Variants in HECW1 observed in about 807,000 individuals in gnomAD.
HECW1 encodes the protein E3 ubiquitin-protein ligase HECW1.
A neutral mutation model predicts 182.3 loss-of-function variants in HECW1; 61 were observed. The observed-to-expected ratio is 0.33, with a 90% CI of 0.27 to 0.41. HECW1 has a LOEUF of 0.41. Ranked by LOEUF, HECW1 falls within the 10% of genes least tolerant of loss-of-function variation. HECW1 has a pLI of 1.00. For missense variants in HECW1, 1,739 were observed against 2,108.9 expected (o/e 0.82, Z 3.44); for synonymous variants, 859 against 832.6 (o/e 1.03, Z -0.55).
At chr7:43,120,338 A>T (rs568672490) in intron 2 of HECW1, among the ~76,000 whole-genome samples, 1 of 151,974 alleles carries the variant, frequency 6.6e-6, no homozygotes, top group Admixed American at 6.6e-5. Flanking sequence ...ACCACACACA[A>T]TGTGCTCTCT....
intron 2 of HECW1, among the ~76,000 whole-genome samples, chr7:43,223,742 C>T (rs1200346743): frequency 1.3e-5 from 2 of 152,146 alleles, no homozygotes; most frequent in African/African-American, 4.8e-5. Context: ...CTAATGTGCT[C>T]TCTCCTTACC....
At chr7:43,472,662 A>G (rs1290817743) in intron 16 of HECW1, among the ~76,000 whole-genome samples, 1 of 152,078 alleles carries the variant, frequency 6.6e-6, no homozygotes, top group Non-Finnish European at 1.5e-5. Flanking sequence ...TAAGGTGAGC[A>G]GATTAATTGG....
chr7:43,268,636 G>A (rs1381778837), intron 3 of HECW1, among the ~76,000 whole-genome samples: 1 of 152,226 alleles, frequency 6.6e-6, no homozygotes, highest in Non-Finnish European at 1.5e-5. Context: ...GTAGGATGAT[G>A]AATCCCTGGG....
intron 2 of HECW1, among the ~76,000 whole-genome samples, chr7:43,227,798 A>T (rs1394863579): frequency 2.0e-5 from 3 of 152,256 alleles, no homozygotes; most frequent in African/African-American, 7.2e-5. Context: ...ACAAAATGTG[A>T]TCCTGACTAC....
intron 5 of HECW1, among the ~76,000 whole-genome samples, chr7:43,335,987 C>T (rs1259298820): frequency 2.3e-5 from 3 of 131,070 alleles, no homozygotes; most frequent in African/African-American, 8.1e-5. Context: ...CTCTCTTTCT[C>T]TCTCTCTCCT....
chr7:43,383,830 C>CAAAG (rs1554393053), intron 6 of HECW1, among the ~76,000 whole-genome samples: 32,333 of 151,866 alleles, frequency 0.21, 3,559 homozygotes, highest in Middle Eastern at 0.34. Context: ...TTGCCAGTAA[C>CAAAG]AGTTGATTAA....
chr7:43,235,269 A>T (rs1798225691), intron 2 of HECW1, among the ~76,000 whole-genome samples: 1 of 152,150 alleles, frequency 6.6e-6, no homozygotes, highest in African/African-American at 2.4e-5. Context: ...TGCTCTGAGG[A>T]GTGGCCACAG....
intron 7 of HECW1, among the ~76,000 whole-genome samples, chr7:43,404,414 A>G (rs554954553): frequency 6.6e-6 from 1 of 152,336 alleles, no homozygotes; most frequent in East Asian, 1.9e-4. Flanking sequence ...GTGTTTTGAA[A>G]GGAGTTGTTA....
intron 3 of HECW1, among the ~76,000 whole-genome samples, chr7:43,299,740 C>T (rs1255182841): frequency 6.6e-6 from 1 of 152,166 alleles, no homozygotes; most frequent in Non-Finnish European, 1.5e-5. Context: ...TTCTAGAACC[C>T]AGTGAAACTT....
intron 29 of HECW1, among the ~76,000 whole-genome samples, chr7:43,559,985 T>C (rs2082156257): frequency 6.6e-6 from 1 of 152,214 alleles, no homozygotes; most frequent in African/African-American, 2.4e-5. Context: ...TTAATTTGGT[T>C]CCAACTAATT....
At chr7:43,331,086 T>G (rs1811407603) in intron 5 of HECW1, among the ~76,000 whole-genome samples, 1 of 152,120 alleles carries the variant, frequency 6.6e-6, no homozygotes, top group Non-Finnish European at 1.5e-5. Context: ...GCTGCACCCA[T>G]TAACTCGTCG....
intron 5 of HECW1, among the ~76,000 whole-genome samples, chr7:43,351,918 G>C (rs1284789018): frequency 6.6e-6 from 1 of 152,148 alleles, no homozygotes; most frequent in Non-Finnish European, 1.5e-5. Flanking sequence ...TTTCTCAACA[G>C]TATATCCGTT....
At chr7:43,523,643 A>G (rs2080621324) in intron 24 of HECW1, among the ~76,000 whole-genome samples, 1 of 152,196 alleles carries the variant, frequency 6.6e-6, no homozygotes, top group African/African-American at 2.4e-5. Context: ...CCATCTCGAA[A>G]AAAAGAAAAG....
chr7:43,140,480 G>A (rs985584867), intron 2 of HECW1, among the ~76,000 whole-genome samples: 9 of 152,146 alleles, frequency 5.9e-5, no homozygotes, highest in East Asian at 1.9e-4. Flanking sequence ...ATGCTGTTCC[G>A]TCACACTCAT....
At chr7:43,200,077 T>C (rs1005434946) in intron 2 of HECW1, among the ~76,000 whole-genome samples, 1 of 152,192 alleles carries the variant, frequency 6.6e-6, no homozygotes. Flanking sequence ...TAAGGTCCTA[T>C]TATCTGACAA....
At position 43,112,730 on chromosome 7, in the gene HECW1, G is replaced by C. The variant is rs1293183515; in HGVS notation, c.-474G>C. 1 of 230,830 alleles carries C rather than the reference G, an allele frequency of 4.3e-6. No individual in the cohort carries two copies. Among genetic ancestry groups the C allele is most frequent in the East Asian group, 6.1e-5 (1 of 16,434 alleles). 14.3% of individuals were successfully genotyped at this position (230,830 alleles called of 1,614,324 possible). A position where few individuals can be genotyped will look rare whatever the true frequency, so the allele number is the denominator to read the frequency against. On this transcript the variant is annotated 5_prime_UTR_variant, in exon 1 of 30. Coordinates refer to ENST00000395891, the MANE Select transcript of HECW1 (RefSeq NM_015052.5). ...TCCTCGCGCACACACTCGCCGAGCC[G>C]CGCGCGCCCCTCCGCCGTGACAGTG... is the stretch of plus-strand genomic sequence containing the variant.
chr7:43,395,712 C>CTTGT (rs2075205625), intron 6 of HECW1, among the ~76,000 whole-genome samples: 4 of 152,190 alleles, frequency 2.6e-5, no homozygotes, highest in Non-Finnish European at 5.9e-5. Flanking sequence ...CAGCCAAGCT[C>CTTGT]ACAGGCTCAC....
At chr7:43,446,472 A>G (rs2077058957) in intron 11 of HECW1, among the ~76,000 whole-genome samples, 1 of 152,250 alleles carries the variant, frequency 6.6e-6, no homozygotes, top group Non-Finnish European at 1.5e-5. Context: ...AGAGAAAAAC[A>G]TAGCCTCTGC....
intron 17 of HECW1, among the ~76,000 whole-genome samples, chr7:43,488,484 G>GAAAGAA (rs2078798413): frequency 1.4e-5 from 2 of 147,072 alleles, no homozygotes; most frequent in Non-Finnish European, 3.0e-5. Context: ...AAGAAAGAAA[G>GAAAGAA]AAAGAGAAAG....
Sources: gnomAD v4.1 joint callset for allele counts (sites outside exome capture counted in the v4.1 genomes callset) on GRCh38, gnomAD v4.1.1 for gene constraint, MANE v1.5 for transcripts, NCBI Gene and HGNC (gene_info 2026-07-23, HGNC 2026-07-21) for gene names.